KIF21B: variants seen among roughly 807,000 people sequenced by gnomAD.
KIF21B encodes kinesin family member 21B.
KIF21B carries 85 observed loss-of-function variants against 192.9 expected under a neutral mutation model. The ratio of observed to expected loss-of-function variants is 0.44; its 90% CI spans 0.37 to 0.53. KIF21B has a LOEUF of 0.53. KIF21B is among the 20% of genes least tolerant of loss of function. KIF21B has a pLI of 0.00. For missense variants in KIF21B, 1,716 were observed against 2,194.8 expected, an observed-to-expected ratio of 0.78 and a Z score of 4.36; for synonymous variants, 832 against 884.6, an observed-to-expected ratio of 0.94 and a Z score of 1.05.
At chr1:201,006,831 TACACAG>T (rs916903370) in intron 3 of KIF21B, among the ~76,000 whole-genome samples, 7 of 133,804 alleles carry the variant, frequency 5.2e-5, no homozygotes, top group Middle Eastern at 4.4e-3. Flanking sequence ...GACACAGAGA[TACACAG>T]ACACAGACAC....
chr1:200,974,343 G>T, intron 34 of KIF21B: 1 of 951,542 alleles, frequency 1.1e-6, no homozygotes, highest in Non-Finnish European at 1.5e-6. Context: ...CACACAGGGG[G>T]CCAGAGCGGG....
chr1:200,997,175 G>A (rs940239486), intron 14 of KIF21B, among the ~76,000 whole-genome samples: 4 of 152,232 alleles, frequency 2.6e-5, no homozygotes, highest in East Asian at 3.9e-4. Context: ...TTGGTATCAC[G>A]TAGCTCTCTT....
Position 200,990,324 on chromosome 1 carries a change from C to T in KIF21B, c.2844G>A (p.Glu948=), listed in dbSNP as rs1656603265. ...ADMERLIKKR[E]ELFLLQEALR... ...GTGCCTCCTGCAGGAGGAACAGCTC[C>T]TCCCTTTTCTGGGGTCAGAGGGGAG... The change falls in exon 20 of 35, where the codon GAG becomes GAA. Residue 948 remains glutamate, a synonymous_variant. Transcript: ENST00000461742. This position sits in a 1 kb window ranked among gnomAD's most constrained non-coding sequence, Gnocchi z 5.4. 4.4e-6 allele frequency: 7 copies of T among 1,609,088 alleles called. No individual in the cohort carries two copies. Among genetic ancestry groups the T allele is most frequent in the African/African-American group, 1.3e-5 (1 of 74,912 alleles).
chr1:200,982,620 C>T lies in KIF21B; in HGVS notation c.3842+436G>A, dbSNP rs1656017681. Among the ~76,000 whole-genome samples the T allele has an allele frequency of 6.6e-6, 1 of 152,174 alleles. No homozygotes were observed. The highest frequency in any genetic ancestry group is 2.4e-5 in the African/African-American group (1 of 41,436). On this transcript the variant is annotated intron_variant, in intron 28 of 34. Coordinates refer to ENST00000461742, the MANE Select transcript of KIF21B (RefSeq NM_001252102.2). The surrounding 1 kb of genome is among the most constrained non-coding windows in gnomAD (Gnocchi z 4.7). ...CAGAGCCAACGTCTGAAAAGCTCAC[C>T]CCCAGCACAAGCTGAGGGAATCAAA...
chr1:201,012,044 G>C (rs1658260906), intron 1 of KIF21B, among the ~76,000 whole-genome samples: 1 of 152,216 alleles, frequency 6.6e-6, no homozygotes. Context: ...GAACAGTCTG[G>C]GGGAGAGGAT....
intron 3 of KIF21B, among the ~76,000 whole-genome samples, chr1:201,005,929 G>A (rs561474445): frequency 1.4e-3 from 213 of 152,364 alleles, no homozygotes; most frequent in Admixed American, 3.1e-3. Context: ...CCAGCAGCCA[G>A]CAGCTCGGTC....
intron 8 of KIF21B, 136 bp from the exon 9 acceptor site, chr1:201,002,486 CA>C (rs2102444351): frequency 1.4e-6 from 1 of 726,620 alleles, no homozygotes; most frequent in Admixed American, 2.6e-5. Flanking sequence ...TCCCCTGCCC[CA>C]GGTTTCCTAA....
intron 3 of KIF21B, 29 bp from the exon 4 acceptor site, chr1:201,005,723 T>C (rs375662690): frequency 1.0e-5 from 16 of 1,607,758 alleles, no homozygotes; most frequent in South Asian, 2.2e-5. Context: ...GCTGAATTCA[T>C]AGGGCATTCA....
Position 200,970,776 on chromosome 1 carries a change from A to G in KIF21B, c.*2745T>C, listed in dbSNP as rs1655173686. ...GGACTCAGCCTGAACTCAGGCGTTTAGAGATTTGGGGTGCGGGGTTTAGAG... is the reference window on the plus strand; with the variant it reads ...GGACTCAGCCTGAACTCAGGCGTTTGGAGATTTGGGGTGCGGGGTTTAGAG... On this transcript the variant is annotated 3_prime_UTR_variant, in exon 35 of 35. Coordinates refer to ENST00000461742, the MANE Select transcript of KIF21B (RefSeq NM_001252102.2). The G allele has an allele frequency of 6.6e-6, 1 of 152,402 alleles. No homozygotes were observed. The highest frequency in any genetic ancestry group is 1.5e-5 in the Non-Finnish European group (1 of 68,096). 9.4% of individuals were successfully genotyped at this position (152,402 alleles called of 1,614,324 possible).
intron 3 of KIF21B, among the ~76,000 whole-genome samples, chr1:201,007,199 G>GAC (rs542800808): frequency 0.13 from 7,603 of 60,438 alleles, 2,109 homozygotes; most frequent in African/African-American, 0.5. Context: ...GAGACACACA[G>GAC]ACACACACAC....
chr1:201,018,675 C>A (rs1469302561), intron 1 of KIF21B, among the ~76,000 whole-genome samples: 1 of 152,200 alleles, frequency 6.6e-6, no homozygotes, highest in African/African-American at 2.4e-5. Context: ...CATTTGCCAC[C>A]TGTGTTTGTG....
At chr1:201,021,746 T>C (rs996797444) in intron 1 of KIF21B, among the ~76,000 whole-genome samples, 1 of 152,100 alleles carries the variant, frequency 6.6e-6, no homozygotes, top group Non-Finnish European at 1.5e-5. Flanking sequence ...GGAAACCCCC[T>C]GTGGAAAGGG....
Position 201,000,358 on chromosome 1 carries a change from G to A in KIF21B, c.1685+32C>T. 2 of 1,526,554 alleles carry A rather than the reference G, an allele frequency of 1.3e-6. No homozygotes were observed. Among genetic ancestry groups the A allele is most frequent in the Non-Finnish European group, 1.7e-6 (2 of 1,146,238 alleles). 94.6% of individuals were successfully genotyped at this position (1,526,554 alleles called of 1,614,324 possible). On this transcript the variant is annotated intron_variant, in intron 11 of 34. Transcript: ENST00000461742. The surrounding 1 kb of genome is among the most constrained non-coding windows in gnomAD (Gnocchi z 6.0). ...CAGGGTCCACTGGGGCGGTCTGAGG[G>A]CTCTCAGGGGCGGGGACGACACTCC...
At chr1:200,996,437 G>T (rs997163205) in intron 14 of KIF21B, 42 bp from the exon 15 acceptor site, 2 of 1,569,738 alleles carry the variant, frequency 1.3e-6, no homozygotes, top group Non-Finnish European at 1.8e-6. Context: ...GGGTCCCTAA[G>T]GGCTCCCACT....
intron 34 of KIF21B, chr1:200,974,114 C>A (rs757337335): frequency 1.9e-6 from 3 of 1,608,188 alleles, no homozygotes; most frequent in Admixed American, 3.4e-5. Context: ...GGTGGTGGCG[C>A]GGCCCTTTAT....
Position 201,000,683 on chromosome 1 carries a change from G to C in KIF21B, c.1466+34C>G. 1 of 1,613,874 alleles carries C rather than the reference G, an allele frequency of 6.2e-7. No individual in the cohort carries two copies. The highest frequency in any genetic ancestry group is 1.3e-5 in the African/African-American group (1 of 75,068). ...TGGCGTCACCTGGCCGAGGCCCCCA[G>C]CCCGCGCACACCTGCCGGAGCTCAC... On this transcript the variant is annotated intron_variant, in intron 10 of 34. Transcript: ENST00000461742. The surrounding 1 kb of genome is among the most constrained non-coding windows in gnomAD (Gnocchi z 6.0).
At chr1:200,989,016 C>G in intron 21 of KIF21B, 85 bp from the exon 22 acceptor site, 1 of 1,354,390 alleles carries the variant, frequency 7.4e-7, no homozygotes, top group East Asian at 2.5e-5. Flanking sequence ...CCTCAAGACA[C>G]CTTGGAGTGC....
intron 26 of KIF21B, among the ~76,000 whole-genome samples, chr1:200,986,371 T>G (rs538575768): frequency 1.3e-5 from 2 of 151,640 alleles, no homozygotes; most frequent in East Asian, 3.9e-4. Context: ...TTCTTTTTTT[T>G]TTTTGAGACA....
intron 1 of KIF21B, among the ~76,000 whole-genome samples, chr1:201,019,344 C>A (rs1299219452): frequency 6.6e-6 from 1 of 152,210 alleles, no homozygotes; most frequent in South Asian, 2.1e-4. Context: ...CAAGCCACTG[C>A]TCTTCACAAA....
Sources: gnomAD v4.1 joint callset for allele counts (sites outside exome capture counted in the v4.1 genomes callset) on GRCh38, gnomAD v4.1.1 for gene constraint, Gnocchi (gnomAD v3.1) non-coding constraint, MANE v1.5 for transcripts, NCBI Gene and HGNC (gene_info 2026-07-23, HGNC 2026-07-21) for gene names.